The following TTC7B variants were observed in gnomAD, a reference collection of about 807,000 sequenced individuals.
TTC7B encodes the protein tetratricopeptide repeat protein 7B.
Under a neutral mutation model 106.8 loss-of-function variants are expected in TTC7B, and 28 were observed. That is an observed-to-expected ratio of 0.26 (90% CI 0.19 to 0.36). The LOEUF (loss-of-function observed/expected upper bound fraction) is 0.36, where lower values mean the gene tolerates loss of function less well. TTC7B is among the 10% of genes least tolerant of loss of function. TTC7B has a pLI of 1.00. For synonymous variants in TTC7B, 405 were observed against 430.6 expected, an observed-to-expected ratio of 0.94 and a Z score of 0.74; for missense variants, 862 against 1,076.4, an observed-to-expected ratio of 0.80 and a Z score of 2.79.
rs201426737 is a variant in TTC7B at position 90,593,523 on chromosome 14, G to A, written c.2070C>T (p.His690=). ...AGATCTGTGCCAGCGTCATCCAGGG[G>A]TGCAGCGGGCCCTGCTTAGGGGCAC... ...QSSAPKQGPL[H]PWMTLAQIWL... The change falls in exon 18 of 20, where the codon CAC becomes CAT. Residue 690 remains histidine, a synonymous_variant. Coordinates refer to ENST00000328459, the MANE Select transcript of TTC7B (RefSeq NM_001010854.2). The A allele has an allele frequency of 1.6e-5, 25 of 1,610,170 alleles. No homozygotes were observed. In the East Asian group the frequency reaches 5.6e-4, roughly 36 times the overall value.
rs559505235 is a variant in TTC7B at position 90,800,088 on chromosome 14, TC to T, written c.122-13761del. Among the ~76,000 whole-genome samples, 429 of 152,228 alleles carry T rather than the reference TC, an allele frequency of 2.8e-3. 12 individuals carry two copies. The highest frequency in any genetic ancestry group is 0.017 in the Middle Eastern group (5 of 294). On this transcript the variant is annotated intron_variant, in intron 1 of 19. Transcript: ENST00000328459. ...ACCTCGTGATCCACCCGCCTTGTCC[TC>T]CCAAAATGCTGGGATTACAGGCGTG...
At chr14:90,746,939 T>C (rs970437668) in intron 3 of TTC7B, among the ~76,000 whole-genome samples, 9 of 152,214 alleles carry the variant, frequency 5.9e-5, no homozygotes, top group African/African-American at 1.7e-4. Flanking sequence ...TCAAACCCTG[T>C]ACATTCCAAA....
chr14:90,806,727 T>C (rs550751560), intron 1 of TTC7B, among the ~76,000 whole-genome samples: 6 of 151,986 alleles, frequency 3.9e-5, no homozygotes, highest in Non-Finnish European at 8.8e-5. Context: ...GGTAACATGG[T>C]GAAACCTCAT....
chr14:90,749,163 TTTTATC>T (rs1417133994), intron 3 of TTC7B, among the ~76,000 whole-genome samples: 1 of 152,214 alleles, frequency 6.6e-6, no homozygotes. Flanking sequence ...GCTTTTAAGA[TTTTATC>T]TTTATCACTG....
At chr14:90,715,957 A>G (rs1285129238) in intron 5 of TTC7B, among the ~76,000 whole-genome samples, 1 of 152,158 alleles carries the variant, frequency 6.6e-6, no homozygotes, top group African/African-American at 2.4e-5. Context: ...CCTTCATTAT[A>G]CTGCCTTTCA....
chr14:90,749,882 C>T (rs553989237), intron 3 of TTC7B, among the ~76,000 whole-genome samples: 1 of 152,104 alleles, frequency 6.6e-6, no homozygotes, highest in South Asian at 2.1e-4. Flanking sequence ...TTTTACCATC[C>T]ACGTCTTTAC....
At position 90,537,273 on chromosome 14, in the gene TTC7B, A is replaced by G. The variant is rs1033441617; in HGVS notation, c.*4095T>C. ...GGCGTGATCACTCACTGCAGCCTCA[A>G]CCACCTGGGCTCAAGCAATCAGCCC... On this transcript the variant is annotated 3_prime_UTR_variant, in exon 20 of 20. Transcript: ENST00000328459. 2 of 151,916 alleles carry G rather than the reference A, an allele frequency of 1.3e-5. No individual in the cohort carries two copies. Among genetic ancestry groups the G allele is most frequent in the African/African-American group, 2.4e-5 (1 of 41,324 alleles). The allele number at this position is 151,916 out of a possible 1,614,324, so 9.4% of individuals were successfully genotyped here.
intron 17 of TTC7B, chr14:90,605,791 G>GA: frequency 5.1e-6 from 6 of 1,176,310 alleles, no homozygotes; most frequent in East Asian, 1.4e-4. Context: ...AAGGGTGAAG[G>GA]CAAAAAAAAA....
intron 17 of TTC7B, among the ~76,000 whole-genome samples, chr14:90,598,572 A>G (rs1269549635): frequency 1.3e-5 from 2 of 152,176 alleles, no homozygotes; most frequent in Non-Finnish European, 2.9e-5. Context: ...CACTGATCTC[A>G]GGGCACCATG....
chr14:90,742,316 TTCTCTTTCTCTCTCTC>T lies in TTC7B; in HGVS notation c.576+2460_576+2475del, dbSNP rs1378929132. 3.4e-4 allele frequency among the ~76,000 whole-genome samples: 51 copies of T among 151,726 alleles called. No homozygotes were observed. Among genetic ancestry groups the T allele is most frequent in the African/African-American group, 1.2e-3 (50 of 41,272 alleles). ...CCCTTCCTCCCTCCCTCCTTTCTCT[TTCTCTTTCTCTCTCTC>T]TCTCTTTCTCTCTTCCTTTCTTTCT... On this transcript the variant is annotated intron_variant, in intron 4 of 19. Transcript: ENST00000328459. The surrounding 1 kb of genome is among the most constrained non-coding windows in gnomAD (Gnocchi z 4.1).
intron 19 of TTC7B, 103 bp from the exon 20 acceptor site, chr14:90,541,692 A>AAC: frequency 1.1e-6 from 1 of 902,876 alleles, no homozygotes; most frequent in Non-Finnish European, 1.6e-6. Flanking sequence ...GGAGCCGGGA[A>AAC]TATATCGCCA....
intron 3 of TTC7B, among the ~76,000 whole-genome samples, chr14:90,779,261 T>C (rs188692293): frequency 6.4e-4 from 98 of 152,316 alleles, no homozygotes; most frequent in African/African-American, 2.3e-3. Flanking sequence ...ATCCCTAGCT[T>C]TTACTATTTG....
In TTC7B at chr14:90,603,326, A is replaced by G. The variant is rs752085499; in HGVS notation, c.1966+7416T>C. ...TGCCTTGGAACAACAGATCAAACCAAAAATTAAAACCAAGAAACAAAACAT... is the reference window on the plus strand; with the variant it reads ...TGCCTTGGAACAACAGATCAAACCAGAAATTAAAACCAAGAAACAAAACAT... On this transcript the variant is annotated intron_variant, in intron 17 of 19. Coordinates refer to ENST00000328459, the MANE Select transcript of TTC7B (RefSeq NM_001010854.2). 3.9e-6 allele frequency: 5 copies of G among 1,282,784 alleles called. No homozygotes were observed. In the South Asian group the frequency reaches 5.0e-5, roughly 13 times the overall value. The allele number at this position is 1,282,784 out of a possible 1,614,324, so 79.5% of individuals were successfully genotyped here.
At chr14:90,806,401 C>T (rs1048432661) in intron 1 of TTC7B, among the ~76,000 whole-genome samples, 14 of 152,218 alleles carry the variant, frequency 9.2e-5, no homozygotes, top group African/African-American at 3.1e-4. Context: ...CAGAACCCCA[C>T]CTCCCCGCTG....
At chr14:90,681,328 T>C (rs1332325639) in intron 7 of TTC7B, among the ~76,000 whole-genome samples, 2 of 152,052 alleles carry the variant, frequency 1.3e-5, no homozygotes, top group Non-Finnish European at 2.9e-5. Flanking sequence ...TATTTTTTCA[T>C]GAAATGGACG....
chr14:90,610,645 C>A, intron 17 of TTC7B, 97 bp downstream of exon 17: 3 of 877,292 alleles, frequency 3.4e-6, no homozygotes, highest in Non-Finnish European at 5.7e-6. Flanking sequence ...GAAATTTTTC[C>A]AACCCCAACC....
intron 4 of TTC7B, among the ~76,000 whole-genome samples, chr14:90,736,739 C>G (rs11852046): frequency 2.0e-5 from 3 of 150,912 alleles, no homozygotes; most frequent in Non-Finnish European, 4.4e-5. Flanking sequence ...AAAAATAGGC[C>G]GGGCATAGTG....
chr14:90,781,414 ACT>A (rs574225799), intron 2 of TTC7B, among the ~76,000 whole-genome samples: 78 of 152,266 alleles, frequency 5.1e-4, no homozygotes, highest in African/African-American at 1.8e-3. Context: ...TGAAGTGGAC[ACT>A]CTGAATGGGT....
At chr14:90,673,573 A>G (rs990614064) in intron 9 of TTC7B, among the ~76,000 whole-genome samples, 5 of 152,244 alleles carry the variant, frequency 3.3e-5, no homozygotes, top group Admixed American at 6.5e-5. Flanking sequence ...AAGACAAATG[A>G]TAAAAATGAT....
Sources: gnomAD v4.1 joint callset for allele counts (sites outside exome capture counted in the v4.1 genomes callset) on GRCh38, gnomAD v4.1.1 for gene constraint, Gnocchi (gnomAD v3.1) non-coding constraint, MANE v1.5 for transcripts, NCBI Gene and HGNC (gene_info 2026-07-23, HGNC 2026-07-21) for gene names.